TLE4: variants seen among roughly 807,000 people sequenced by gnomAD.
TLE4 encodes transducin-like enhancer protein 4.
TLE4 carries 8 observed loss-of-function variants against 92.8 expected under a neutral mutation model. That is an observed-to-expected ratio of 0.09 (90% CI 0.05 to 0.16). The LOEUF (loss-of-function observed/expected upper bound fraction) is 0.16, where lower values mean the gene tolerates loss of function less well. Ranked by LOEUF, TLE4 falls within the 10% of genes least tolerant of loss-of-function variation. The pLI is 1.00. For missense variants in TLE4, 675 were observed against 997.6 expected, an observed-to-expected ratio of 0.68 and a Z score of 4.36; for synonymous variants, 371 against 374.1, an observed-to-expected ratio of 0.99 and a Z score of 0.10.
In TLE4 at chr9:79,725,975, T is replaced by C. The variant is rs2076345277; in HGVS notation, c.*831T>C. 1 of 152,664 alleles carries C rather than the reference T, an allele frequency of 6.6e-6. No homozygotes were observed. Among genetic ancestry groups the C allele is most frequent in the Non-Finnish European group, 1.5e-5 (1 of 68,048 alleles). The allele number at this position is 152,664 out of a possible 1,614,324, so 9.5% of individuals were successfully genotyped here. A position where few individuals can be genotyped will look rare whatever the true frequency, so the allele number is the denominator to read the frequency against. On this transcript the variant is annotated 3_prime_UTR_variant, in exon 20 of 20. Transcript: ENST00000376552. ...CTTCTGGATATTTTTGCCACATTTC[T>C]TTGCAAAAGGAGATATATATATCTT...
chr9:79,686,060 T>C (rs1234035923), intron 8 of TLE4, among the ~76,000 whole-genome samples: 1 of 152,144 alleles, frequency 6.6e-6, no homozygotes, highest in East Asian at 1.9e-4. Flanking sequence ...TATAAAGAGG[T>C]ATAAGTAATA....
At chr9:79,697,741 C>A (rs1332048447) in intron 8 of TLE4, among the ~76,000 whole-genome samples, 1 of 151,266 alleles carries the variant, frequency 6.6e-6, no homozygotes, top group Non-Finnish European at 1.5e-5. Context: ...TTATACTGAC[C>A]AAGCAATACA....
chr9:79,691,873 T>G (rs1268770094), intron 8 of TLE4, among the ~76,000 whole-genome samples: 1 of 152,220 alleles, frequency 6.6e-6, no homozygotes, highest in African/African-American at 2.4e-5. Context: ...TATTTTTTAT[T>G]AATGTTATTA....
At chr9:79,721,334 T>A (rs2075602684) in intron 16 of TLE4, among the ~76,000 whole-genome samples, 1 of 152,252 alleles carries the variant, frequency 6.6e-6, no homozygotes, top group Non-Finnish European at 1.5e-5. Context: ...TGTCGCTCCC[T>A]GTGCCATCCC....
chr9:79,724,946 G>A, intron 19 of TLE4, 91 bp from the exon 20 acceptor site: 1 of 831,428 alleles, frequency 1.2e-6, no homozygotes, highest in South Asian at 1.3e-5. Flanking sequence ...TGGTCAAGGA[G>A]CACATTACAT....
At chr9:79,713,984 C>T (rs2073958719) in intron 14 of TLE4, among the ~76,000 whole-genome samples, 1 of 152,068 alleles carries the variant, frequency 6.6e-6, no homozygotes, top group African/African-American at 2.4e-5. Flanking sequence ...ATGCCTCGGC[C>T]TCCCAAGTAG....
At chr9:79,701,816 T>C (rs1021464886) in intron 8 of TLE4, among the ~76,000 whole-genome samples, 15 of 152,288 alleles carry the variant, frequency 9.8e-5, no homozygotes, top group Admixed American at 6.5e-4. Flanking sequence ...TTGAGAAATA[T>C]TTCTGGGCAG....
chr9:79,699,211 G>A (rs1211874301), intron 8 of TLE4, among the ~76,000 whole-genome samples: 2 of 152,070 alleles, frequency 1.3e-5, no homozygotes, highest in East Asian at 3.9e-4. Context: ...TGGGTCTTTT[G>A]CTTTTCTAAG....
At chr9:79,597,282 T>G (rs953254290) in intron 4 of TLE4, among the ~76,000 whole-genome samples, 5 of 152,208 alleles carry the variant, frequency 3.3e-5, no homozygotes, top group African/African-American at 1.2e-4. Flanking sequence ...CTCTGTTCTC[T>G]TATCTGGGCT....
intron 8 of TLE4, among the ~76,000 whole-genome samples, chr9:79,701,182 G>A (rs972458293): frequency 5.3e-5 from 8 of 152,146 alleles, no homozygotes; most frequent in Admixed American, 1.3e-4. Flanking sequence ...TTTGATTCCA[G>A]AGTAATTATG....
chr9:79,576,115 CT>C lies in TLE4; in HGVS notation c.208-14del. 1.4e-6 allele frequency: 2 copies of C among 1,453,174 alleles called. No individual in the cohort carries two copies. Among genetic ancestry groups the C allele is most frequent in the Non-Finnish European group, 1.8e-6 (2 of 1,088,484 alleles). The allele number at this position is 1,453,174 out of a possible 1,614,324, so 90.0% of individuals were successfully genotyped here. On this transcript the variant is annotated splice_polypyrimidine_tract_variant and intron_variant, in intron 3 of 19. Coordinates refer to ENST00000376552, the MANE Select transcript of TLE4 (RefSeq NM_007005.6). ...TTGATGAAAGTCATGCATTTAATTG[CT>C]TTTCCTTCTTTGACAGTATTATGAA...
chr9:79,621,306 A>G (rs777490244), intron 5 of TLE4, among the ~76,000 whole-genome samples: 3 of 152,208 alleles, frequency 2.0e-5, no homozygotes, highest in African/African-American at 2.4e-5. Context: ...ACTAGCCAGA[A>G]GGATGGATGA....
intron 7 of TLE4, 76 bp downstream of exon 7, chr9:79,652,870 A>T: frequency 2.8e-6 from 4 of 1,448,320 alleles, no homozygotes; most frequent in Non-Finnish European, 3.9e-6. Context: ...GCTATTGTTT[A>T]TTCTCTCTGA....
intron 8 of TLE4, among the ~76,000 whole-genome samples, chr9:79,696,919 C>A (rs1299261546): frequency 6.6e-6 from 1 of 152,250 alleles, no homozygotes; most frequent in African/African-American, 2.4e-5. Context: ...TTTTTGCCAA[C>A]CCTCTCCACT....
rs149926037 is a variant in TLE4, at chr9:79,630,925, G to A, written c.390+3477G>A. On this transcript the variant is annotated intron_variant, in intron 6 of 19. Coordinates refer to ENST00000376552, the MANE Select transcript of TLE4 (RefSeq NM_007005.6). ...AAATGTTTGGCTTATAAAAATAGAC[G>A]ATGTGGGTTCCTTTGGAAACCCCCT... Among the ~76,000 whole-genome samples the A allele has an allele frequency of 3.0e-4, 45 of 152,132 alleles. 1 individual carries two copies. The East Asian group carries it at 8.3e-3, about 28-fold the overall frequency.
chr9:79,693,203 GC>G (rs2135571511), intron 8 of TLE4, among the ~76,000 whole-genome samples: 1 of 152,200 alleles, frequency 6.6e-6, no homozygotes, highest in South Asian at 2.1e-4. Flanking sequence ...GTGAATCTCT[GC>G]TTGTGAAGTC....
chr9:79,682,766 G>C (rs1449840186), intron 8 of TLE4, among the ~76,000 whole-genome samples: 5 of 152,274 alleles, frequency 3.3e-5, no homozygotes, highest in Middle Eastern at 3.4e-3. Flanking sequence ...TCTCAGGGTG[G>C]TAAAATGACT....
intron 4 of TLE4, among the ~76,000 whole-genome samples, chr9:79,609,266 T>A (rs972560296): frequency 1.3e-5 from 2 of 152,138 alleles, no homozygotes; most frequent in Admixed American, 6.6e-5. Flanking sequence ...TGTCCATCAG[T>A]ACTGTAGAGT....
rs1304473208 is a variant in TLE4, at chr9:79,652,715, C to T, written c.513C>T (p.Ala171=). The T allele has an allele frequency of 6.2e-7, 1 of 1,614,038 alleles. No individual in the cohort carries two copies. Among genetic ancestry groups the T allele is most frequent in the Non-Finnish European group, 8.5e-7 (1 of 1,180,040 alleles). The change falls in exon 7 of 20, where the codon GCC becomes GCT. Residue 171 remains alanine, a synonymous_variant. Transcript: ENST00000376552. ...TCGGTAGCAGTGCCGGGCTTCTGGC[C>T]CTCTCCAGTGCTCTAGGAGGTCAGT... The part of the protein sequence containing the change: ...PPIGSSAGLL[A]LSSALGGQSH...
Sources: gnomAD v4.1 joint callset for allele counts (sites outside exome capture counted in the v4.1 genomes callset) on GRCh38, gnomAD v4.1.1 for gene constraint, MANE v1.5 for transcripts, NCBI Gene and HGNC (gene_info 2026-07-23, HGNC 2026-07-21) for gene names.